Variants in LOC400499 observed in about 807,000 individuals in gnomAD.
At chr16:11,411,145 G>C in the LOC400499 span, 3 of 398,552 alleles carry the variant, frequency 7.5e-6, no homozygotes, top group Admixed American at 8.8e-5. Context: ...CTGGTGAACA[G>C]ATGTGCATGT....
the LOC400499 span, among the ~76,000 whole-genome samples, chr16:11,379,440 C>G: frequency 6.6e-6 from 1 of 152,142 alleles, no homozygotes. Context: ...GACCTTAGGT[C>G]GATTTTGTCT....
At chr16:11,463,860 T>C in the LOC400499 span, among the ~76,000 whole-genome samples, 1 of 152,264 alleles carries the variant, frequency 6.6e-6, no homozygotes, top group Admixed American at 6.5e-5. Context: ...TGTAAAGAGA[T>C]GCATATATAC....
At chr16:11,508,481 T>G in the LOC400499 span, among the ~76,000 whole-genome samples, 1 of 152,164 alleles carries the variant, frequency 6.6e-6, no homozygotes, top group African/African-American at 2.4e-5. Flanking sequence ...AGAAAAGGCT[T>G]CCCCTCTGCT....
the LOC400499 span, among the ~76,000 whole-genome samples, chr16:11,487,850 T>C: frequency 6.6e-6 from 1 of 152,160 alleles, no homozygotes; most frequent in Non-Finnish European, 1.5e-5. Context: ...GCACAGTGGC[T>C]CATGCCTGTA....
the LOC400499 span, chr16:11,450,714 C>T: frequency 2.6e-6 from 4 of 1,536,186 alleles, no homozygotes; most frequent in Non-Finnish European, 3.5e-6. Flanking sequence ...GGGTCCAGGC[C>T]TTGCCCAGCG....
chr16:11,444,515 T>C, the LOC400499 span, among the ~76,000 whole-genome samples: 17 of 152,230 alleles, frequency 1.1e-4, no homozygotes, highest in African/African-American at 3.6e-4. Flanking sequence ...TTACGTATTA[T>C]TCACGGTGCT....
At chr16:11,510,776 G>A in the LOC400499 span, among the ~76,000 whole-genome samples, 1 of 151,490 alleles carries the variant, frequency 6.6e-6, no homozygotes, top group African/African-American at 2.4e-5. Context: ...GCAAACCTAA[G>A]GAGAATTCTC....
At chr16:11,492,631 A>G in the LOC400499 span, among the ~76,000 whole-genome samples, 2 of 151,952 alleles carry the variant, frequency 1.3e-5, no homozygotes, top group African/African-American at 4.8e-5. Flanking sequence ...AAAATTACAA[A>G]AAAATTAGCC....
chr16:11,462,208 G>T, the LOC400499 span: 1 of 1,534,978 alleles, frequency 6.5e-7, no homozygotes, highest in Non-Finnish European at 8.7e-7. Flanking sequence ...TCCCGGTGAA[G>T]ACGACGGGGC....
At chr16:11,484,741 T>G in the LOC400499 span, 51 of 397,268 alleles carry the variant, frequency 1.3e-4, no homozygotes, top group African/African-American at 9.4e-4. Context: ...CTACTCAGAT[T>G]TGAACCAGCC....
the LOC400499 span, chr16:11,469,263 GCAAAA>G: frequency 2.5e-6 from 1 of 399,266 alleles, no homozygotes; most frequent in African/African-American, 2.1e-5. Flanking sequence ...TCCTGGGGGT[GCAAAA>G]CAAGAGTTTA....
chr16:11,434,355 C>T, the LOC400499 span, among the ~76,000 whole-genome samples: 1 of 152,084 alleles, frequency 6.6e-6, no homozygotes, highest in African/African-American at 2.4e-5. Flanking sequence ...GACCCCGTTC[C>T]TACAAAAAAA....
At chr16:11,495,223 A>C in the LOC400499 span, among the ~76,000 whole-genome samples, 12 of 149,364 alleles carry the variant, frequency 8.0e-5, no homozygotes, top group African/African-American at 3.0e-4. Flanking sequence ...AAAAAAAAAA[A>C]AAAAGAAAAC....
At chr16:11,419,341 C>A in the LOC400499 span, among the ~76,000 whole-genome samples, 1 of 151,840 alleles carries the variant, frequency 6.6e-6, no homozygotes, top group Admixed American at 6.6e-5. Flanking sequence ...GAAAAACAAG[C>A]AATGGGGAAA....
the LOC400499 span, chr16:11,518,921 A>G: frequency 3.3e-5 from 13 of 399,040 alleles, no homozygotes; most frequent in Non-Finnish European, 4.9e-5. Flanking sequence ...CGACTCCTTC[A>G]GAAGCTCCAC....
At chr16:11,523,709 A>C in the LOC400499 span, 1 of 353,644 alleles carries the variant, frequency 2.8e-6, no homozygotes, top group Non-Finnish European at 5.1e-6. Context: ...ATCATCCCTG[A>C]TAGCTCAAGC....
the LOC400499 span, among the ~76,000 whole-genome samples, chr16:11,480,584 G>A: frequency 1.9e-4 from 29 of 152,266 alleles, no homozygotes; most frequent in African/African-American, 6.5e-4. Flanking sequence ...AAATACCTGC[G>A]AATGGTGAGC....
the LOC400499 span, chr16:11,484,887 G>A: frequency 1.0e-5 from 4 of 399,152 alleles, no homozygotes; most frequent in African/African-American, 2.1e-5. Flanking sequence ...ACCTTCTGCT[G>A]TAGGTATCTC....
chr16:11,497,737 G>T, the LOC400499 span, among the ~76,000 whole-genome samples: 3 of 152,130 alleles, frequency 2.0e-5, no homozygotes, highest in Admixed American at 6.6e-5. Context: ...ATGGCTGCCC[G>T]GGGGATGAAC....
Sources: gnomAD v4.1 joint callset for allele counts (sites outside exome capture counted in the v4.1 genomes callset) on GRCh38, gnomAD v4.1.1 for gene constraint, MANE v1.5 for transcripts.